The following ITPR1 variants were observed in gnomAD, a reference collection of about 807,000 sequenced individuals.
The protein encoded by ITPR1 is inositol 1,4,5-trisphosphate receptor type 1, also known as inositol 1,4,5-trisphosphate-gated calcium channel ITPR1.
A neutral mutation model predicts 318.4 loss-of-function variants in ITPR1; 96 were observed. That is an observed-to-expected ratio of 0.30 (90% CI 0.26 to 0.36). ITPR1 has a LOEUF of 0.36. ITPR1 is among the 10% of genes least tolerant of loss of function. The probability of loss-of-function intolerance (pLI) is 1.00; values close to 1 mark genes in which losing one functional copy is unlikely to be tolerated. For synonymous variants in ITPR1, 1,312 were observed against 1,289.9 expected (o/e 1.02, Z -0.37); for missense variants, 2,440 against 3,460.2 (o/e 0.71, Z 7.40).
intron 4 of ITPR1, among the ~76,000 whole-genome samples, chr3:4,587,270 G>GT (rs1226432135): frequency 7.3e-6 from 1 of 137,190 alleles, no homozygotes; most frequent in Non-Finnish European, 1.5e-5. Flanking sequence ...CACTTCTCAT[G>GT]GTTTTTTTTT....
intron 4 of ITPR1, among the ~76,000 whole-genome samples, chr3:4,544,587 T>G (rs892470324): frequency 2.6e-5 from 4 of 152,350 alleles, no homozygotes; most frequent in African/African-American, 9.6e-5. Context: ...TTTGGCTAGC[T>G]AAGTGGGGCT....
chr3:4,580,597 T>A (rs2089227814), intron 4 of ITPR1, among the ~76,000 whole-genome samples: 2 of 152,218 alleles, frequency 1.3e-5, no homozygotes, highest in Non-Finnish European at 2.9e-5. Context: ...TGCAGCTCAC[T>A]GGTAAAGCGT....
intron 2 of ITPR1, among the ~76,000 whole-genome samples, chr3:4,502,627 G>T (rs2081104882): frequency 6.6e-6 from 1 of 151,876 alleles, no homozygotes; most frequent in Admixed American, 6.6e-5. Flanking sequence ...TTTTAGTAGA[G>T]ATGGGATTTC....
chr3:4,682,165 C>T (rs1189594899), intron 26 of ITPR1, among the ~76,000 whole-genome samples: 3 of 152,164 alleles, frequency 2.0e-5, no homozygotes, highest in Non-Finnish European at 4.4e-5. Flanking sequence ...CTGGTGGTCA[C>T]TGTTGGGTCT....
At chr3:4,608,410 G>C (rs2091850828) in intron 4 of ITPR1, among the ~76,000 whole-genome samples, 2 of 152,072 alleles carry the variant, frequency 1.3e-5, no homozygotes, top group African/African-American at 4.8e-5. Context: ...ATTCAGAAGG[G>C]TCTAGAATGC....
intron 2 of ITPR1, among the ~76,000 whole-genome samples, chr3:4,495,683 C>G (rs967061168): frequency 6.6e-6 from 1 of 152,208 alleles, no homozygotes; most frequent in Non-Finnish European, 1.5e-5. Flanking sequence ...GGTCCAGAGC[C>G]ATGTATCTCA....
chr3:4,601,172 A>ATTATT (rs544816015), intron 4 of ITPR1, among the ~76,000 whole-genome samples: 1 of 37,144 alleles, frequency 2.7e-5, no homozygotes, highest in Non-Finnish European at 5.3e-5. Flanking sequence ...GGGGAAAAAT[A>ATTATT]TTCTTTTTTT....
chr3:4,837,026 T>C (rs1413369714), intron 61 of ITPR1, 91 bp downstream of exon 61: 23 of 1,170,710 alleles, frequency 2.0e-5, no homozygotes, highest in Admixed American at 2.6e-5. Context: ...GGAAAATCAG[T>C]AGTGCTTCAT....
intron 61 of ITPR1, among the ~76,000 whole-genome samples, chr3:4,837,819 G>T (rs889771494): frequency 3.9e-5 from 6 of 152,096 alleles, no homozygotes; most frequent in Admixed American, 2.0e-4. Context: ...GACCCTGATT[G>T]GTTTTATTAG....
At chr3:4,672,115 A>C (rs1457407066) in intron 20 of ITPR1, among the ~76,000 whole-genome samples, 2 of 152,182 alleles carry the variant, frequency 1.3e-5, no homozygotes, top group Non-Finnish European at 2.9e-5. Context: ...GCAGTTCTTC[A>C]TGTCAGGAAA....
intron 44 of ITPR1, among the ~76,000 whole-genome samples, chr3:4,747,882 A>G (rs565306291): frequency 6.6e-5 from 10 of 152,306 alleles, no homozygotes; most frequent in African/African-American, 7.2e-5. Flanking sequence ...CTAAAGAAGC[A>G]TATGTTCTTT....
Position 4,535,320 on chromosome 3 carries a change from G to T in ITPR1, c.163+14226G>T, listed in dbSNP as rs59049720. Among the ~76,000 whole-genome samples, 461 of 152,048 alleles carry T rather than the reference G, an allele frequency of 3.0e-3. 1 individual carries two copies. Among genetic ancestry groups the T allele is most frequent in the African/African-American group, 0.011 (436 of 41,504 alleles). On this transcript the variant is annotated intron_variant, in intron 4 of 61. Transcript: ENST00000649015. ...ATTATTTCCAGTTGTCCCCTACAGG[G>T]TACAAACTAACAAGGCAAGATGTGA...
At chr3:4,787,228 A>G (rs944552537) in intron 51 of ITPR1, among the ~76,000 whole-genome samples, 1 of 151,528 alleles carries the variant, frequency 6.6e-6, no homozygotes, top group Non-Finnish European at 1.5e-5. Context: ...TGATCCAGAT[A>G]AAAGTTGGTC....
chr3:4,806,258 C>T lies in ITPR1; in HGVS notation c.7263C>T (p.Tyr2421=), dbSNP rs751250009. The change falls in exon 55 of 62, where the codon TAC becomes TAT. Residue 2421 remains tyrosine, a synonymous_variant. Coordinates refer to ENST00000649015, the MANE Select transcript of ITPR1 (RefSeq NM_001378452.1). Reference sequence around the variant, plus strand: ...GGCTCTTTGTCCATGAATTCTTCTACAGTCTGCTGGTGAGTACCTGGTGTG... The same window carrying T: ...GGCTCTTTGTCCATGAATTCTTCTATAGTCTGCTGGTGAGTACCTGGTGTG... ...AMGLFVHEFF[Y]SLLLFDLVYR... The T allele has an allele frequency of 5.6e-6, 9 of 1,613,726 alleles. No homozygotes were observed. In the African/African-American group the frequency reaches 9.3e-5, roughly 17 times the overall value.
At chr3:4,677,313 G>C (rs2094204455) in intron 24 of ITPR1, among the ~76,000 whole-genome samples, 1 of 152,170 alleles carries the variant, frequency 6.6e-6, no homozygotes, top group Admixed American at 6.5e-5. Context: ...TTTGATAGAG[G>C]GGCATGGGCA....
intron 2 of ITPR1, among the ~76,000 whole-genome samples, chr3:4,509,460 A>G (rs1365135980): frequency 2.6e-5 from 4 of 152,242 alleles, no homozygotes; most frequent in Non-Finnish European, 5.9e-5. Context: ...TTGATCTAAC[A>G]CTGTAAATTT....
chr3:4,746,679 G>A (rs2044131986), intron 44 of ITPR1, among the ~76,000 whole-genome samples: 1 of 152,208 alleles, frequency 6.6e-6, no homozygotes. Context: ...ACACGTGCTG[G>A]ATGAAAGGTC....
intron 56 of ITPR1, 113 bp downstream of exon 56, chr3:4,811,573 C>A (rs918701809): frequency 2.6e-6 from 2 of 777,400 alleles, no homozygotes; most frequent in Non-Finnish European, 4.1e-6. Flanking sequence ...TTGTATCTCC[C>A]TAACACGCAG....
intron 5 of ITPR1, among the ~76,000 whole-genome samples, chr3:4,629,854 G>A (rs997110287): frequency 3.3e-5 from 5 of 152,156 alleles, no homozygotes; most frequent in Non-Finnish European, 7.3e-5. Context: ...CTCAGTCGGA[G>A]GCACCCATGG....
Sources: allele counts gnomAD v4.1 joint callset (sites outside exome capture counted in the v4.1 genomes callset), GRCh38; gene constraint gnomAD v4.1.1; transcripts MANE v1.5; gene names NCBI Gene and HGNC (gene_info 2026-07-23, HGNC 2026-07-21).